MATR3: variants seen among roughly 807,000 people sequenced by gnomAD.
MATR3 encodes matrin-3.
Under a neutral mutation model 85.5 loss-of-function variants are expected in MATR3, and 4 were observed. The observed-to-expected ratio is 0.05, with a 90% CI of 0.02 to 0.11. The LOEUF (loss-of-function observed/expected upper bound fraction) is 0.11. Among genes scored for constraint, MATR3 ranks in the 10% least tolerant of loss-of-function variants. The probability of loss-of-function intolerance (pLI) is 1.00; values close to 1 mark genes in which losing one functional copy is unlikely to be tolerated. For missense variants in MATR3, 685 were observed against 1,016.1 expected (o/e 0.67, Z 4.43); for synonymous variants, 336 against 343.1 (o/e 0.98, Z 0.23).
chr5:139,286,195 A>T (rs150590280), intron 3 of MATR3, among the ~76,000 whole-genome samples: 65 of 152,276 alleles, frequency 4.3e-4, no homozygotes, highest in African/African-American at 1.5e-3. Context: ...TCTGTTTTTA[A>T]GTAGCCTTAA....
Position 139,317,157 on chromosome 5 carries a change from A to T in MATR3, c.1182+52A>T, listed in dbSNP as rs758817367. On this transcript the variant is annotated intron_variant, in intron 6 of 14. Coordinates refer to ENST00000394805, the MANE Select transcript of MATR3 (RefSeq NM_018834.6). ...TGTATTTATGATTTTTGGGAATATG[A>T]TTTGACCTAAATCCTTACTAGTTGA... The T allele has an allele frequency of 1.4e-5, 22 of 1,548,270 alleles. No individual in the cohort carries two copies. The East Asian group carries it at 3.6e-4, about 25-fold the overall frequency.
chr5:139,278,610 T>C, intron 2 of MATR3: 1 of 357,112 alleles, frequency 2.8e-6, no homozygotes, highest in South Asian at 2.1e-5. Flanking sequence ...CCCTGAATGT[T>C]GCATAAAACA....
At chr5:139,296,841 A>G (rs568392085) in intron 1 of MATR3, among the ~76,000 whole-genome samples, 2 of 152,210 alleles carry the variant, frequency 1.3e-5, no homozygotes, top group African/African-American at 4.8e-5. Flanking sequence ...TCCTTTAGTT[A>G]GAATTACAGT....
chr5:139,278,298 T>C (rs1266981963), intron 2 of MATR3: 9 of 453,772 alleles, frequency 2.0e-5, no homozygotes, highest in Non-Finnish European at 4.0e-5. Context: ...GTGTACTAGA[T>C]CACTAAGTTT....
chr5:139,302,507 A>G (rs779092241), intron 1 of MATR3, among the ~76,000 whole-genome samples: 10 of 152,240 alleles, frequency 6.6e-5, no homozygotes, highest in Non-Finnish European at 1.0e-4. Context: ...ACTATGGTAA[A>G]TTCTTTATAA....
chr5:139,279,044 A>T (rs754899989), intron 2 of MATR3: 3 of 481,764 alleles, frequency 6.2e-6, no homozygotes, highest in South Asian at 4.4e-5. Context: ...ACCTCTTTGA[A>T]TCCTAGATGC....
Position 139,325,472 on chromosome 5 carries a change from C to T in MATR3, c.2181C>T (p.Asn727=), listed in dbSNP as rs772833565. 1.4e-5 allele frequency: 22 copies of T among 1,613,988 alleles called. No homozygotes were observed. Among genetic ancestry groups the T allele is most frequent in the Middle Eastern group, 1.6e-4 (1 of 6,084 alleles). ...AGATCGAGGAACTTGATCAAGAAAA[C>T]GAAGCAGCGTTGGAAAATGGAATTA... ...VDKIEELDQE[N]EAALENGIKN... Residue 727 remains asparagine, a synonymous_variant, in exon 13 of 15, where the codon AAC becomes AAT. Coordinates refer to ENST00000394805, the MANE Select transcript of MATR3 (RefSeq NM_018834.6).
In MATR3 at chr5:139,307,302, G is replaced by C; in HGVS notation, c.-114G>C. ...GTCCTTATTGATCCTTTTTCTTGGC[G>C]TTACCATTTTTGAAGCAAAGTTAAC... On this transcript the variant is annotated 5_prime_UTR_variant, in exon 2 of 15. Coordinates refer to ENST00000394805, the MANE Select transcript of MATR3 (RefSeq NM_018834.6). The surrounding 1 kb of genome is among the most constrained non-coding windows in gnomAD (Gnocchi z 4.4). 1 of 1,411,842 alleles carries C rather than the reference G, an allele frequency of 7.1e-7. No homozygotes were observed. Among genetic ancestry groups the C allele is most frequent in the Non-Finnish European group, 9.2e-7 (1 of 1,084,396 alleles). 87.5% of individuals were successfully genotyped at this position (1,411,842 alleles called of 1,614,324 possible). A position where few individuals can be genotyped will look rare whatever the true frequency, so the allele number is the denominator to read the frequency against.
At chr5:139,289,747 C>T (rs770726373), upstream of MATR3, among the ~76,000 whole-genome samples, 4 of 152,204 alleles carry the variant, frequency 2.6e-5, no homozygotes, top group Non-Finnish European at 5.9e-5. Context: ...AAGTCCCTCA[C>T]GTAGTAAAAC....
intron 4 of MATR3, 122 bp from the exon 5 acceptor site, chr5:139,315,954 A>C (rs1350860902): frequency 1.2e-6 from 1 of 838,534 alleles, no homozygotes; most frequent in African/African-American, 1.7e-5. Context: ...TAGTTACTTC[A>C]CAGATACTCT....
At position 139,329,982 on chromosome 5, in the gene MATR3, A is replaced by G. The variant is rs535027907; in HGVS notation, c.*587A>G. 49 of 453,008 alleles carry G rather than the reference A, an allele frequency of 1.1e-4. No homozygotes were observed. The Admixed American group carries it at 1.2e-3, about 11-fold the overall frequency. The allele number at this position is 453,008 out of a possible 1,614,324, so 28.1% of individuals were successfully genotyped here. ...AGAAATATTAAGTAATTGGCTTTAG[A>G]TTTTGTAATTTTTTTCCCTGAGTTC... On this transcript the variant is annotated 3_prime_UTR_variant, in exon 15 of 15. Transcript: ENST00000394805.
Position 139,314,667 on chromosome 5 carries a change from T to C in MATR3, c.913-8T>C. 1 of 1,567,036 alleles carries C rather than the reference T, an allele frequency of 6.4e-7. No homozygotes were observed. The highest frequency in any genetic ancestry group is 8.8e-7 in the Non-Finnish European group (1 of 1,140,070). The stretch of plus-strand genomic sequence containing the variant: ...TTTTGTTAATTCTACTAATTTACTT[T>C]GCTGCAGGAGTGGAGTCAACATATC... On this transcript the variant is annotated splice_polypyrimidine_tract_variant and splice_region_variant and intron_variant, in intron 2 of 14. Coordinates refer to ENST00000394805, the MANE Select transcript of MATR3 (RefSeq NM_018834.6).
At chr5:139,277,210 AC>A (rs1753317151) in intron 2 of MATR3, among the ~76,000 whole-genome samples, 1 of 151,414 alleles carries the variant, frequency 6.6e-6, no homozygotes, top group East Asian at 1.9e-4. Context: ...AGGTTTCACG[AC>A]GTTGTCCAGG....
At chr5:139,313,169 A>G (rs937069704) in intron 2 of MATR3, 4 of 152,012 alleles carry the variant, frequency 2.6e-5, no homozygotes, top group Non-Finnish European at 5.9e-5. Context: ...TTAAAAACAC[A>G]TCGCCTGACC....
chr5:139,304,931 C>G (rs1423684046), intron 1 of MATR3, among the ~76,000 whole-genome samples: 2 of 152,172 alleles, frequency 1.3e-5, no homozygotes. Flanking sequence ...GATAGAGGAA[C>G]TGTTTTCATT....
intron 3 of MATR3, among the ~76,000 whole-genome samples, chr5:139,284,897 T>A (rs1230356762): frequency 6.6e-6 from 1 of 152,228 alleles, no homozygotes; most frequent in Non-Finnish European, 1.5e-5. Context: ...AATCTTTGAA[T>A]CTATGATTTT....
At position 139,319,510 on chromosome 5, in the gene MATR3, C is replaced by T. The variant is rs780284796; in HGVS notation, c.1602+9C>T. 8.8e-6 allele frequency: 14 copies of T among 1,598,608 alleles called. No individual in the cohort carries two copies. The South Asian group carries it at 1.1e-4, about 13-fold the overall frequency. ...TGAGGATGAAAAGTCAGGTAATATA[C>T]ATAAGGAAGTTTTAGAGAAGATAAT... On this transcript the variant is annotated intron_variant, in intron 9 of 14. Transcript: ENST00000394805.
At chr5:139,299,189 G>C (rs540279002) in intron 1 of MATR3, among the ~76,000 whole-genome samples, 1 of 152,200 alleles carries the variant, frequency 6.6e-6, no homozygotes, top group South Asian at 2.1e-4. Flanking sequence ...GGGGATGCTG[G>C]GCCTTGAGAA....
At position 139,322,487 on chromosome 5, in the gene MATR3, C is replaced by T. The variant is rs749808723; in HGVS notation, c.1759C>T (p.Leu587=). The change falls in exon 11 of 15, where the codon CTG becomes TTG. Residue 587 remains leucine, a synonymous_variant. Coordinates refer to ENST00000394805, the MANE Select transcript of MATR3 (RefSeq NM_018834.6). ...GATTCCAAACAGAGGCATTGATTTA[C>T]TGAAAAAAGATAAATCCCGGTAATT... The part of the protein sequence containing the change: ...LRIPNRGIDL[L]KKDKSRKRSY... 2 of 1,613,894 alleles carry T rather than the reference C, an allele frequency of 1.2e-6. No individual in the cohort carries two copies. The highest frequency in any genetic ancestry group is 1.7e-6 in the Non-Finnish European group (2 of 1,179,946).
Sources: allele counts gnomAD v4.1 joint callset (sites outside exome capture counted in the v4.1 genomes callset), GRCh38; gene constraint gnomAD v4.1.1; non-coding constraint Gnocchi (gnomAD v3.1); transcripts MANE v1.5; gene names NCBI Gene and HGNC (gene_info 2026-07-23, HGNC 2026-07-21).